NLN: variants seen among roughly 807,000 people sequenced by gnomAD.
NLN encodes the protein neurolysin, mitochondrial.
In NLN, 64 loss-of-function variants were observed where a neutral mutation model predicts 79.9. The observed-to-expected ratio is 0.80, with a 90% CI of 0.65 to 0.99. The LOEUF (loss-of-function observed/expected upper bound fraction) is 0.99. Among genes scored for constraint, NLN ranks in the 50% least tolerant of loss-of-function variants. The pLI is 0.00. For synonymous variants in NLN, 267 were observed against 296.6 expected, an observed-to-expected ratio of 0.90 and a Z score of 1.02; for missense variants, 835 against 858.7, an observed-to-expected ratio of 0.97 and a Z score of 0.34.
chr5:65,771,030 A>G (rs987627173), intron 3 of NLN, among the ~76,000 whole-genome samples: 4 of 152,186 alleles, frequency 2.6e-5, no homozygotes, highest in African/African-American at 4.8e-5. Flanking sequence ...AGTAAATGCA[A>G]CGGTATTATT....
intron 3 of NLN, among the ~76,000 whole-genome samples, chr5:65,773,367 A>G (rs1395078513): frequency 2.6e-5 from 4 of 151,924 alleles, no homozygotes; most frequent in Non-Finnish European, 5.9e-5. Context: ...AACTGAGCTC[A>G]ATTGATCCAC....
intron 9 of NLN, among the ~76,000 whole-genome samples, chr5:65,800,433 T>C (rs1274844867): frequency 2.0e-5 from 3 of 152,170 alleles, no homozygotes; most frequent in Non-Finnish European, 4.4e-5. Flanking sequence ...CCCAGCACTT[T>C]GGGAGGCAGA....
chr5:65,759,495 C>T (rs368418767), intron 2 of NLN, among the ~76,000 whole-genome samples: 1 of 151,584 alleles, frequency 6.6e-6, no homozygotes, highest in Non-Finnish European at 1.5e-5. Context: ...AGGGAATTGG[C>T]TTACATGACT....
chr5:65,800,663 C>T (rs909939526), intron 9 of NLN, among the ~76,000 whole-genome samples: 36 of 142,974 alleles, frequency 2.5e-4, no homozygotes, highest in African/African-American at 6.4e-4. Flanking sequence ...AGAAAACTCT[C>T]TTATTTATTT....
intron 1 of NLN, among the ~76,000 whole-genome samples, chr5:65,724,780 A>G (rs1359871015): frequency 1.3e-5 from 2 of 149,450 alleles, no homozygotes; most frequent in Non-Finnish European, 3.0e-5. Flanking sequence ...TTATCCTAGG[A>G]GTGGCATTGT....
chr5:65,772,607 A>G (rs1184793543), intron 3 of NLN, among the ~76,000 whole-genome samples: 3 of 152,202 alleles, frequency 2.0e-5, no homozygotes, highest in Non-Finnish European at 4.4e-5. Flanking sequence ...GAGGGAGCAG[A>G]AGAACTAAAT....
At chr5:65,777,577 T>A in intron 4 of NLN, 43 bp downstream of exon 4, 1 of 1,279,168 alleles carries the variant, frequency 7.8e-7, no homozygotes, top group Non-Finnish European at 1.1e-6. Context: ...AAAAAATGAA[T>A]AAATAAAACA....
intron 11 of NLN, among the ~76,000 whole-genome samples, chr5:65,810,755 A>G (rs1305506051): frequency 2.0e-5 from 3 of 152,072 alleles, no homozygotes; most frequent in Non-Finnish European, 4.4e-5. Flanking sequence ...TGAGGCAGGA[A>G]GATCACTTGA....
intron 8 of NLN, among the ~76,000 whole-genome samples, chr5:65,790,226 A>T (rs975196092): frequency 3.9e-5 from 6 of 152,174 alleles, no homozygotes; most frequent in Admixed American, 2.6e-4. Context: ...AGTAATACAC[A>T]CAAGTTTGTA....
intron 9 of NLN, among the ~76,000 whole-genome samples, chr5:65,803,270 G>A (rs1188079028): frequency 6.6e-6 from 1 of 152,178 alleles, no homozygotes; most frequent in African/African-American, 2.4e-5. Flanking sequence ...TGCTACCACT[G>A]TTTATGGTGC....
chr5:65,812,584 T>A (rs1760578517), intron 12 of NLN, among the ~76,000 whole-genome samples, 193 bp downstream of exon 12: 3 of 152,124 alleles, frequency 2.0e-5, no homozygotes, highest in South Asian at 2.1e-4. Context: ...TTCTATAGTT[T>A]AAAAAAAACT....
At chr5:65,725,348 T>G (rs1297728625) in intron 1 of NLN, among the ~76,000 whole-genome samples, 1 of 152,260 alleles carries the variant, frequency 6.6e-6, no homozygotes, top group East Asian at 1.9e-4. Context: ...TTTTAAAGGT[T>G]AGTTACAAAG....
At chr5:65,723,897 C>G (rs906214546) in intron 1 of NLN, among the ~76,000 whole-genome samples, 2 of 149,462 alleles carry the variant, frequency 1.3e-5, no homozygotes, top group African/African-American at 4.9e-5. Flanking sequence ...TACCGTGGAC[C>G]TAAGAGCTTC....
At chr5:65,794,752 A>T (rs539539100) in intron 9 of NLN, among the ~76,000 whole-genome samples, 1 of 152,184 alleles carries the variant, frequency 6.6e-6, no homozygotes, top group Admixed American at 6.5e-5. Flanking sequence ...TGTTGTCCTG[A>T]CATGTGCAGA....
chr5:65,765,496 C>T (rs1004193600), intron 3 of NLN, among the ~76,000 whole-genome samples: 2 of 151,752 alleles, frequency 1.3e-5, no homozygotes, highest in African/African-American at 4.8e-5. Context: ...CCAGCCTGGG[C>T]AACAAGAGCA....
chr5:65,790,126 T>C (rs1449955959), intron 8 of NLN, among the ~76,000 whole-genome samples: 1 of 152,204 alleles, frequency 6.6e-6, no homozygotes, highest in African/African-American at 2.4e-5. Flanking sequence ...GATCTCTTTC[T>C]CCCCAGGCTA....
Position 65,812,304 on chromosome 5 carries a change from C to T in NLN, c.1893C>T (p.Gly631=). 1 of 1,609,094 alleles carries T rather than the reference C, an allele frequency of 6.2e-7. No individual in the cohort carries two copies. The highest frequency in any genetic ancestry group is 8.5e-7 in the Non-Finnish European group (1 of 1,175,562). Residue 631 remains glycine, a synonymous_variant, in exon 12 of 13, where the codon GGC becomes GGT. Coordinates refer to ENST00000380985, the MANE Select transcript of NLN (RefSeq NM_020726.5). ...GACATTTGGCAGGGGGATACGATGG[C>T]CAATATTATGGATATCTTTGGAGTG... The part of the protein sequence containing the change: ...TFGHLAGGYD[G]QYYGYLWSEV...
intron 6 of NLN, among the ~76,000 whole-genome samples, chr5:65,784,929 T>A (rs189796467): frequency 2.0e-5 from 3 of 152,328 alleles, no homozygotes; most frequent in Admixed American, 6.5e-5. Flanking sequence ...AATAAAATAT[T>A]TGTCTTTTTG....
At chr5:65,749,948 A>G (rs1759066732) in intron 1 of NLN, among the ~76,000 whole-genome samples, 2 of 152,166 alleles carry the variant, frequency 1.3e-5, no homozygotes, top group Admixed American at 6.5e-5. Flanking sequence ...TGTTGTGAGG[A>G]TTAGATGAGT....
Sources: allele counts gnomAD v4.1 joint callset (sites outside exome capture counted in the v4.1 genomes callset), GRCh38; gene constraint gnomAD v4.1.1; transcripts MANE v1.5; gene names NCBI Gene and HGNC (gene_info 2026-07-23, HGNC 2026-07-21).